The following EPHA6 variants were observed in gnomAD, a reference collection of about 807,000 sequenced individuals.
EPHA6 encodes EPH receptor A6.
In EPHA6, 50 loss-of-function variants were observed where a neutral mutation model predicts 112.0. The ratio of observed to expected loss-of-function variants is 0.45; its 90% CI spans 0.36 to 0.56. The LOEUF (loss-of-function observed/expected upper bound fraction) is 0.56, where lower values mean the gene tolerates loss of function less well. Among genes scored for constraint, EPHA6 ranks in the 20% least tolerant of loss-of-function variants. EPHA6 has a pLI of 0.00. For synonymous variants in EPHA6, 529 were observed against 490.7 expected (o/e 1.08, Z -1.03); for missense variants, 1,280 against 1,417.4 (o/e 0.90, Z 1.56).
intron 3 of EPHA6, among the ~76,000 whole-genome samples, chr3:97,121,737 T>A (rs1458217088): frequency 1.3e-5 from 2 of 152,080 alleles, no homozygotes; most frequent in African/African-American, 4.8e-5. Flanking sequence ...AGTGTAGGAC[T>A]GTAATCCAGA....
intron 5 of EPHA6, among the ~76,000 whole-genome samples, chr3:97,271,504 C>G (rs530469516): frequency 2.6e-5 from 4 of 152,150 alleles, no homozygotes; most frequent in African/African-American, 4.8e-5. Flanking sequence ...ATTACAGGCA[C>G]GCACCACCAT....
chr3:97,547,989 G>T (rs2107699594), intron 11 of EPHA6, among the ~76,000 whole-genome samples: 1 of 152,270 alleles, frequency 6.6e-6, no homozygotes, highest in Non-Finnish European at 1.5e-5. Flanking sequence ...ACTAGGAAAG[G>T]GAATTCCCTG....
chr3:97,662,078 G>T (rs1321698182), intron 14 of EPHA6, among the ~76,000 whole-genome samples: 2 of 151,998 alleles, frequency 1.3e-5, no homozygotes, highest in African/African-American at 4.8e-5. Flanking sequence ...ACCCTTTGTA[G>T]CTCAAATAAG....
chr3:97,113,894 T>A (rs149680044), intron 3 of EPHA6, among the ~76,000 whole-genome samples: 1 of 152,232 alleles, frequency 6.6e-6, no homozygotes, highest in African/African-American at 2.4e-5. Flanking sequence ...TATCTAGTGT[T>A]ATGAGAGATA....
At chr3:97,482,478 T>A (rs1163824618) in intron 9 of EPHA6, among the ~76,000 whole-genome samples, 2 of 152,214 alleles carry the variant, frequency 1.3e-5, no homozygotes, top group African/African-American at 2.4e-5. Flanking sequence ...CATGTTAAAA[T>A]TAGTGTCAGG....
At chr3:97,407,492 G>A (rs1439906588) in intron 6 of EPHA6, among the ~76,000 whole-genome samples, 1 of 149,620 alleles carries the variant, frequency 6.7e-6, no homozygotes, top group Non-Finnish European at 1.5e-5. Context: ...GAGTGTGTTT[G>A]TGTGTGTGTG....
chr3:97,619,435 G>GGC (rs2093794623), intron 13 of EPHA6, among the ~76,000 whole-genome samples: 1 of 71,908 alleles, frequency 1.4e-5, no homozygotes, highest in Non-Finnish European at 2.3e-5. Context: ...ATAGAAAAAG[G>GGC]GGGGGGGGGG....
intron 14 of EPHA6, among the ~76,000 whole-genome samples, chr3:97,715,070 C>G (rs181145024): frequency 6.6e-6 from 1 of 152,212 alleles, no homozygotes; most frequent in Non-Finnish European, 1.5e-5. Flanking sequence ...TTACCACTCA[C>G]GATCACCACT....
chr3:97,392,692 T>A (rs931443627), intron 5 of EPHA6, among the ~76,000 whole-genome samples: 1 of 151,826 alleles, frequency 6.6e-6, no homozygotes, highest in Non-Finnish European at 1.5e-5. Flanking sequence ...TTTTAAAGAT[T>A]TATATCTCTA....
At chr3:97,405,616 G>T (rs2087288929) in intron 6 of EPHA6, among the ~76,000 whole-genome samples, 1 of 152,038 alleles carries the variant, frequency 6.6e-6, no homozygotes, top group Non-Finnish European at 1.5e-5. Context: ...CAGATGGGAA[G>T]AAATTTTAAT....
chr3:97,545,975 G>A (rs1043795190), intron 11 of EPHA6, among the ~76,000 whole-genome samples: 1 of 152,072 alleles, frequency 6.6e-6, no homozygotes, highest in African/African-American at 2.4e-5. Context: ...ACATAAGATG[G>A]GTTTCCTGAA....
At chr3:97,733,335 G>A (rs1189680044) in intron 15 of EPHA6, among the ~76,000 whole-genome samples, 3 of 152,054 alleles carry the variant, frequency 2.0e-5, no homozygotes, top group Non-Finnish European at 4.4e-5. Flanking sequence ...CCTTGTCCAG[G>A]AAAGCCAGAG....
chr3:97,008,661 A>G (rs1038120249), intron 3 of EPHA6, among the ~76,000 whole-genome samples: 22 of 152,206 alleles, frequency 1.4e-4, no homozygotes, highest in South Asian at 2.1e-4. Flanking sequence ...TGATGGAGAG[A>G]TGCTGTAATC....
intron 14 of EPHA6, among the ~76,000 whole-genome samples, chr3:97,653,667 G>A (rs143084942): frequency 1.4e-3 from 217 of 152,020 alleles, no homozygotes; most frequent in Middle Eastern, 0.014. Context: ...ATAATCAAAG[G>A]AAATGAAATC....
chr3:97,038,331 G>C (rs866376258), intron 3 of EPHA6, among the ~76,000 whole-genome samples: 2 of 151,786 alleles, frequency 1.3e-5, no homozygotes, highest in African/African-American at 4.8e-5. Flanking sequence ...TTCCTGGACT[G>C]TGGTAACCAC....
intron 12 of EPHA6, among the ~76,000 whole-genome samples, chr3:97,598,284 C>CT (rs2093611420): frequency 6.6e-6 from 1 of 150,640 alleles, no homozygotes; most frequent in Non-Finnish European, 1.5e-5. Context: ...TATTATTATA[C>CT]TTTAAGTTTT....
At chr3:97,710,487 A>T (rs2107762299) in intron 14 of EPHA6, among the ~76,000 whole-genome samples, 1 of 152,350 alleles carries the variant, frequency 6.6e-6, no homozygotes, top group East Asian at 1.9e-4. Flanking sequence ...CTGTGGGCAT[A>T]ACAATGGCAC....
At chr3:96,829,953 A>G (rs571296088) in intron 1 of EPHA6, among the ~76,000 whole-genome samples, 5,832 of 95,286 alleles carry the variant, frequency 0.061, 382 homozygotes, top group African/African-American at 0.24. Context: ...GCGCGCGCAC[A>G]CACACACACA....
chr3:97,157,295 C>T (rs891410515), intron 3 of EPHA6, among the ~76,000 whole-genome samples: 4 of 152,082 alleles, frequency 2.6e-5, no homozygotes, highest in African/African-American at 7.2e-5. Context: ...GGAAATAGTA[C>T]ATTCTATTGC....
Sources: gnomAD v4.1 joint callset for allele counts (sites outside exome capture counted in the v4.1 genomes callset) on GRCh38, gnomAD v4.1.1 for gene constraint, MANE v1.5 for transcripts, NCBI Gene and HGNC (gene_info 2026-07-23, HGNC 2026-07-21) for gene names.